The following CLEC2L variants were observed in gnomAD, a reference collection of about 807,000 sequenced individuals.
The protein encoded by CLEC2L is C-type lectin domain family 2, member L.
CLEC2L carries 14 observed loss-of-function variants against 23.6 expected under a neutral mutation model. The observed-to-expected ratio is 0.59, with a 90% CI of 0.39 to 0.93. CLEC2L has a LOEUF of 0.93. Ranked by LOEUF, CLEC2L falls within the 40% of genes least tolerant of loss-of-function variation. The pLI is 0.00. For synonymous variants in CLEC2L, 114 were observed against 121.3 expected, an observed-to-expected ratio of 0.94 and a Z score of 0.40; for missense variants, 264 against 282.4, an observed-to-expected ratio of 0.93 and a Z score of 0.47.
chr7:139,533,666 T>G (rs1318639267), intron 1 of CLEC2L, among the ~76,000 whole-genome samples: 1 of 152,228 alleles, frequency 6.6e-6, no homozygotes, highest in Admixed American at 6.5e-5. Flanking sequence ...CTATTATTTT[T>G]TAAATGAAGC....
intron 1 of CLEC2L, among the ~76,000 whole-genome samples, chr7:139,528,924 C>T (rs1797541760): frequency 6.6e-6 from 1 of 152,304 alleles, no homozygotes; most frequent in African/African-American, 2.4e-5. Context: ...GCTGCAGATA[C>T]ATGTACCGAT....
At chr7:139,538,040 T>C (rs1236469926) in intron 2 of CLEC2L, among the ~76,000 whole-genome samples, 1 of 152,148 alleles carries the variant, frequency 6.6e-6, no homozygotes, top group Non-Finnish European at 1.5e-5. Flanking sequence ...AGAGGTGGAA[T>C]CCACAAAATG....
rs956828269 is a variant in CLEC2L, at chr7:139,530,794, C to T, written c.191-5480C>T. 4.8e-4 allele frequency among the ~76,000 whole-genome samples: 58 copies of T among 120,650 alleles called. 1 individual carries two copies. Among genetic ancestry groups the T allele is most frequent in the South Asian group, 2.6e-3 (9 of 3,408 alleles). The allele number at this position is 120,650 out of a possible 152,430, so 79.2% of individuals were successfully genotyped here. Reference sequence around the variant, plus strand: ...CACCACTGTACTCCAGCCTGGGTGACAGAGTGAGACTCTTGTCTCAAAAAA... The same window carrying T: ...CACCACTGTACTCCAGCCTGGGTGATAGAGTGAGACTCTTGTCTCAAAAAA... On this transcript the variant is annotated intron_variant, in intron 1 of 4. Coordinates refer to ENST00000422142, the MANE Select transcript of CLEC2L (RefSeq NM_001080511.4).
chr7:139,533,738 A>G (rs1313632318), intron 1 of CLEC2L, among the ~76,000 whole-genome samples: 1 of 152,216 alleles, frequency 6.6e-6, no homozygotes, highest in Non-Finnish European at 1.5e-5. Context: ...TGAAGGAAAC[A>G]GGTTTCTTTT....
chr7:139,524,174 C>A, intron 1 of CLEC2L, 57 bp downstream of exon 1: 1 of 1,156,976 alleles, frequency 8.6e-7, no homozygotes, highest in Non-Finnish European at 1.1e-6. Context: ...AGGCCCGACC[C>A]GCGACCCGGA....
intron 1 of CLEC2L, chr7:139,534,555 A>C: frequency 1.3e-6 from 1 of 745,428 alleles, no homozygotes; most frequent in Non-Finnish European, 2.5e-6. Flanking sequence ...CTGATAAATA[A>C]TTGTATTGGA....
chr7:139,538,166 C>T (rs1020238407), intron 2 of CLEC2L, among the ~76,000 whole-genome samples: 11 of 152,280 alleles, frequency 7.2e-5, no homozygotes, highest in East Asian at 1.9e-4. Flanking sequence ...GGTGCAGTGG[C>T]TCAAGCCTGT....
intron 1 of CLEC2L, among the ~76,000 whole-genome samples, chr7:139,530,670 G>A (rs1298907912): frequency 9.2e-5 from 14 of 151,788 alleles, no homozygotes; most frequent in Non-Finnish European, 7.4e-5. Context: ...AAAATTAGCC[G>A]GGTGTGGTGG....
intron 4 of CLEC2L, among the ~76,000 whole-genome samples, chr7:139,542,620 A>G (rs1461060200): frequency 6.6e-6 from 1 of 152,222 alleles, no homozygotes; most frequent in African/African-American, 2.4e-5. Context: ...AAGAAAGGGG[A>G]TCTGAAGGCA....
Position 139,540,532 on chromosome 7 carries a change from G to A in CLEC2L, c.432+45G>A. 2 of 1,554,020 alleles carry A rather than the reference G, an allele frequency of 1.3e-6. No individual in the cohort carries two copies. Among genetic ancestry groups the A allele is most frequent in the Non-Finnish European group, 1.7e-6 (2 of 1,149,082 alleles). ...GGGGGTTGGGGGAAGGGACCCTCAGGGCCCCCAACCTTGACTCTAGGGGAC... is the reference window on the plus strand; with the variant it reads ...GGGGGTTGGGGGAAGGGACCCTCAGAGCCCCCAACCTTGACTCTAGGGGAC... On this transcript the variant is annotated intron_variant, in intron 3 of 4. Coordinates refer to ENST00000422142, the MANE Select transcript of CLEC2L (RefSeq NM_001080511.4). This position sits in a 1 kb window ranked among gnomAD's most constrained non-coding sequence, Gnocchi z 5.8.
chr7:139,538,735 C>T (rs563223896), intron 2 of CLEC2L, among the ~76,000 whole-genome samples: 3 of 150,074 alleles, frequency 2.0e-5, no homozygotes, highest in Admixed American at 6.7e-5. Flanking sequence ...GGTGACAGAG[C>T]GAGACTCCAT....
chr7:139,528,227 G>A (rs1375158778), intron 1 of CLEC2L, among the ~76,000 whole-genome samples: 4 of 152,160 alleles, frequency 2.6e-5, no homozygotes, highest in Non-Finnish European at 4.4e-5. Context: ...ATACAGTCTG[G>A]CAGATTATTT....
chr7:139,536,438 T>C, intron 2 of CLEC2L, 90 bp downstream of exon 2: 2 of 1,151,370 alleles, frequency 1.7e-6, no homozygotes, highest in Non-Finnish European at 1.3e-6. Flanking sequence ...ATTCTAGACA[T>C]TCCAAGAATC....
rs1797657441 is a variant in CLEC2L at position 139,536,363 on chromosome 7, C to T, written c.265+15C>T. ...GAGCATCTTGGGTGAGCATGCGTGT[C>T]AGAGCATTTATGCATTCAGTTTGCA... On this transcript the variant is annotated intron_variant, in intron 2 of 4. Coordinates refer to ENST00000422142, the MANE Select transcript of CLEC2L (RefSeq NM_001080511.4). The T allele has an allele frequency of 6.5e-7, 1 of 1,549,794 alleles. No homozygotes were observed. Among genetic ancestry groups the T allele is most frequent in the Non-Finnish European group, 8.7e-7 (1 of 1,145,504 alleles).
chr7:139,536,330 G>T lies in CLEC2L; in HGVS notation c.247G>T (p.Val83Leu). 6.4e-7 allele frequency: 1 copy of T among 1,551,526 alleles called. No homozygotes were observed. The highest frequency in any genetic ancestry group is 8.7e-7 in the Non-Finnish European group (1 of 1,146,872). The change falls in exon 2 of 5, where the codon GTG becomes TTG. Residue 83 changes from valine (V) to leucine (L), a missense_variant. Val to Leu is a conservative substitution (Grantham distance 32). Coordinates refer to ENST00000422142, the MANE Select transcript of CLEC2L (RefSeq NM_001080511.4). ...AIAVLLFAIL[V>L]VMSILASKGC... ...CGCGGTCCTTCTGTTCGCCATCTTG[G>T]TGGTGATGAGCATCTTGGGTGAGCA...
At chr7:139,542,568 T>C (rs1797751488) in intron 4 of CLEC2L, among the ~76,000 whole-genome samples, 1 of 152,256 alleles carries the variant, frequency 6.6e-6, no homozygotes, top group South Asian at 2.1e-4. Flanking sequence ...GATGCGCCTC[T>C]GTCCCGGGCA....
At position 139,536,355 on chromosome 7, in the gene CLEC2L, A is replaced by T; in HGVS notation, c.265+7A>T. On this transcript the variant is annotated splice_region_variant and intron_variant, in intron 2 of 4. Transcript: ENST00000422142. ...GTGGTGATGAGCATCTTGGGTGAGC[A>T]TGCGTGTCAGAGCATTTATGCATTC... The T allele has an allele frequency of 6.4e-7, 1 of 1,550,876 alleles. No individual in the cohort carries two copies. The highest frequency in any genetic ancestry group is 8.7e-7 in the Non-Finnish European group (1 of 1,146,426).
At chr7:139,529,282 AT>A (rs1797546318) in intron 1 of CLEC2L, among the ~76,000 whole-genome samples, 1 of 152,238 alleles carries the variant, frequency 6.6e-6, no homozygotes, top group Admixed American at 6.5e-5. Flanking sequence ...AGACAGGTAG[AT>A]ATTATCATTA....
At chr7:139,535,073 T>A (rs1797634369) in intron 1 of CLEC2L, among the ~76,000 whole-genome samples, 1 of 151,950 alleles carries the variant, frequency 6.6e-6, no homozygotes, top group Non-Finnish European at 1.5e-5. Flanking sequence ...GAACAGATAC[T>A]CATACACCAT....
Sources: gnomAD v4.1 joint callset for allele counts (sites outside exome capture counted in the v4.1 genomes callset) on GRCh38, gnomAD v4.1.1 for gene constraint, Gnocchi (gnomAD v3.1) non-coding constraint, MANE v1.5 for transcripts, NCBI Gene and HGNC (gene_info 2026-07-23, HGNC 2026-07-21) for gene names.